Variants in ZNF277 observed in about 807,000 individuals in gnomAD.
ZNF277 encodes nuclear receptor-interacting factor 4.
A neutral mutation model predicts 60.7 loss-of-function variants in ZNF277; 55 were observed. The observed-to-expected ratio is 0.91, with a 90% CI of 0.73 to 1.13. ZNF277 has a LOEUF of 1.13. ZNF277 is among the 50% of genes most tolerant of loss of function. ZNF277 has a pLI of 0.00. For missense variants in ZNF277, 510 were observed against 523.0 expected (o/e 0.98, Z 0.24); for synonymous variants, 178 against 179.3 (o/e 0.99, Z 0.06).
intron 1 of ZNF277, among the ~76,000 whole-genome samples, chr7:112,228,259 T>C (rs1403784320): frequency 1.3e-5 from 2 of 152,094 alleles, no homozygotes; most frequent in Admixed American, 6.6e-5. Context: ...ATCCTTACTT[T>C]AGTTACATCT....
At chr7:112,253,073 G>T (rs866947588) in intron 1 of ZNF277, among the ~76,000 whole-genome samples, 3 of 152,164 alleles carry the variant, frequency 2.0e-5, no homozygotes, top group Non-Finnish European at 2.9e-5. Context: ...CAAGGAATGC[G>T]CAGGGAAAAG....
chr7:112,215,406 T>C (rs543310646), intron 1 of ZNF277, among the ~76,000 whole-genome samples: 15 of 152,316 alleles, frequency 9.8e-5, no homozygotes, highest in African/African-American at 2.9e-4. Context: ...GTGATGGCAT[T>C]TGGTGGTGTT....
At chr7:112,269,670 TC>T (rs903696656) in intron 1 of ZNF277, among the ~76,000 whole-genome samples, 2 of 152,116 alleles carry the variant, frequency 1.3e-5, no homozygotes, top group Non-Finnish European at 2.9e-5. Context: ...CTTTCTTATC[TC>T]TAAAGTGGGT....
At chr7:112,291,086 G>A (rs76085413) in intron 2 of ZNF277, among the ~76,000 whole-genome samples, 8,992 of 152,116 alleles carry the variant, frequency 0.059, 708 homozygotes, top group African/African-American at 0.18. Context: ...CCTGGGGCAG[G>A]AGAAATAAAA....
chr7:112,286,866 A>G lies in ZNF277; in HGVS notation c.92-7A>G. On this transcript the variant is annotated splice_polypyrimidine_tract_variant and splice_region_variant and intron_variant, in intron 1 of 11. Coordinates refer to ENST00000361822, the MANE Select transcript of ZNF277 (RefSeq NM_021994.3). Reference sequence around the variant, plus strand: ...CTTTTTTTTTTTTTTTTTTTGGTCTATTCCAGACAGTAAGGATTGTATCCT... The same window carrying G: ...CTTTTTTTTTTTTTTTTTTTGGTCTGTTCCAGACAGTAAGGATTGTATCCT... The G allele has an allele frequency of 2.2e-6, 2 of 905,772 alleles. No homozygotes were observed. Among genetic ancestry groups the G allele is most frequent in the Non-Finnish European group, 3.0e-6 (2 of 674,658 alleles). The allele number at this position is 905,772 out of a possible 1,614,324, so 56.1% of individuals were successfully genotyped here.
chr7:112,324,925 A>G (rs1793063167), intron 5 of ZNF277, among the ~76,000 whole-genome samples: 2 of 152,068 alleles, frequency 1.3e-5, no homozygotes. Context: ...GAGAAGATGA[A>G]TTTCCCAGCT....
chr7:112,241,414 T>C (rs1790951955), intron 1 of ZNF277, among the ~76,000 whole-genome samples: 1 of 152,102 alleles, frequency 6.6e-6, no homozygotes, highest in Non-Finnish European at 1.5e-5. Context: ...TGTGGGAACA[T>C]AAATTAGTGC....
At chr7:112,209,869 C>T (rs1821690174) in intron 1 of ZNF277, among the ~76,000 whole-genome samples, 1 of 151,970 alleles carries the variant, frequency 6.6e-6, no homozygotes. Flanking sequence ...AAGCTGAAAA[C>T]CATCATTGTG....
At chr7:112,233,067 A>G (rs1822382744) in intron 1 of ZNF277, among the ~76,000 whole-genome samples, 1 of 152,088 alleles carries the variant, frequency 6.6e-6, no homozygotes, top group Non-Finnish European at 1.5e-5. Flanking sequence ...CAAAAGGTAA[A>G]CTTCTATCCA....
At chr7:112,272,252 G>A (rs10280408) in intron 1 of ZNF277, among the ~76,000 whole-genome samples, 6,579 of 152,196 alleles carry the variant, frequency 0.043, 338 homozygotes, top group African/African-American at 0.13. Flanking sequence ...CATTGTTGCA[G>A]ATGACAAGAT....
chr7:112,277,366 G>C (rs886217794), intron 1 of ZNF277, among the ~76,000 whole-genome samples: 1 of 152,152 alleles, frequency 6.6e-6, no homozygotes, highest in African/African-American at 2.4e-5. Flanking sequence ...ATGGGCGTGA[G>C]CCACCACGCC....
chr7:112,315,029 C>T (rs1182071182), intron 4 of ZNF277, among the ~76,000 whole-genome samples: 3 of 152,046 alleles, frequency 2.0e-5, no homozygotes, highest in African/African-American at 7.2e-5. Context: ...TCTGGGCATG[C>T]ATCAGATAAA....
intron 5 of ZNF277, among the ~76,000 whole-genome samples, chr7:112,324,830 C>A (rs1264215495): frequency 6.6e-6 from 1 of 152,114 alleles, no homozygotes; most frequent in African/African-American, 2.4e-5. Flanking sequence ...ATGCCATCTG[C>A]AAGTTGGAGA....
At chr7:112,257,532 G>A (rs62473129) in intron 1 of ZNF277, among the ~76,000 whole-genome samples, 3,489 of 152,238 alleles carry the variant, frequency 0.023, 54 homozygotes, top group Middle Eastern at 0.078. Flanking sequence ...AATAAGATTA[G>A]ATAATGTCTA....
At chr7:112,334,306 T>C (rs531924614) in intron 7 of ZNF277, among the ~76,000 whole-genome samples, 3 of 152,214 alleles carry the variant, frequency 2.0e-5, no homozygotes, top group African/African-American at 7.2e-5. Context: ...TGAACATCTT[T>C]AGTGATATGC....
At chr7:112,263,827 G>C (rs567255280) in intron 1 of ZNF277, among the ~76,000 whole-genome samples, 110 of 152,242 alleles carry the variant, frequency 7.2e-4, no homozygotes, top group Non-Finnish European at 1.4e-3. Context: ...GTTGAAAGCT[G>C]TGAACACTAT....
intron 1 of ZNF277, among the ~76,000 whole-genome samples, chr7:112,210,686 G>A (rs1821720267): frequency 6.6e-6 from 1 of 151,770 alleles, no homozygotes; most frequent in Admixed American, 6.6e-5. Flanking sequence ...AGGCCAGGCT[G>A]GTCTCAAACT....
At chr7:112,299,091 G>T (rs1792416876) in intron 4 of ZNF277, among the ~76,000 whole-genome samples, 1 of 152,072 alleles carries the variant, frequency 6.6e-6, no homozygotes, top group Non-Finnish European at 1.5e-5. Flanking sequence ...TCAACAAAAA[G>T]TAAAAAAAGA....
At chr7:112,282,227 T>TA (rs1791963415) in intron 1 of ZNF277, among the ~76,000 whole-genome samples, 1 of 152,218 alleles carries the variant, frequency 6.6e-6, no homozygotes, top group Non-Finnish European at 1.5e-5. Flanking sequence ...ACAACAGAGA[T>TA]ATTTGCTCTT....
Sources: allele counts gnomAD v4.1 joint callset (sites outside exome capture counted in the v4.1 genomes callset), GRCh38; gene constraint gnomAD v4.1.1; transcripts MANE v1.5; gene names NCBI Gene and HGNC (gene_info 2026-07-23, HGNC 2026-07-21).